The following STRIP1 variants were observed in gnomAD, a reference collection of about 807,000 sequenced individuals.
The protein encoded by STRIP1 is striatin interacting protein 1, also known as striatin-interacting protein 1.
In STRIP1, 63 loss-of-function variants were observed where a neutral mutation model predicts 106.2. The observed-to-expected ratio is 0.59, with a 90% CI of 0.48 to 0.73. The LOEUF is 0.73. Among genes scored for constraint, STRIP1 ranks in the 30% least tolerant of loss-of-function variants. The pLI is 0.00. For missense variants in STRIP1, 857 were observed against 1,074.8 expected (o/e 0.80, Z 2.83); for synonymous variants, 390 against 413.0 (o/e 0.94, Z 0.67).
chr1:110,038,000 T>C (rs376039605), intron 2 of STRIP1, 40 bp downstream of exon 2: 12 of 1,316,030 alleles, frequency 9.1e-6, no homozygotes, highest in African/African-American at 4.4e-5. Context: ...GGTGGTTTTT[T>C]CCTTATTGGT....
chr1:110,050,942 G>A lies in STRIP1; in HGVS notation c.1957-14G>A, dbSNP rs764874272. 7 of 1,495,192 alleles carry A rather than the reference G, an allele frequency of 4.7e-6. No homozygotes were observed. The highest frequency in any genetic ancestry group is 6.5e-6 in the Non-Finnish European group (7 of 1,071,600). 92.6% of individuals were successfully genotyped at this position (1,495,192 alleles called of 1,614,324 possible). On this transcript the variant is annotated splice_polypyrimidine_tract_variant and intron_variant, in intron 18 of 20. Coordinates refer to ENST00000369795, the MANE Select transcript of STRIP1 (RefSeq NM_033088.4). ...CAGCCATGAGGGCTGATTGTTCCTG[G>A]GTTTACCCTGCAGGAAGCAGGTGAC...
At chr1:110,047,687 C>A in intron 14 of STRIP1, 71 bp downstream of exon 14, 1 of 1,542,136 alleles carries the variant, frequency 6.5e-7, no homozygotes, top group Non-Finnish European at 8.8e-7. Flanking sequence ...CCTCCTGCCA[C>A]CTGCAGACCA....
At chr1:110,032,909 A>G (rs1477772111), upstream of STRIP1, among the ~76,000 whole-genome samples, 7 of 152,090 alleles carry the variant, frequency 4.6e-5, no homozygotes, top group Admixed American at 4.6e-4. Flanking sequence ...CCTGGTTAAC[A>G]CCCTCGAATG....
intron 3 of STRIP1, 95 bp from the exon 4 acceptor site, chr1:110,039,077 T>C: frequency 2.1e-6 from 3 of 1,424,402 alleles, no homozygotes; most frequent in Non-Finnish European, 2.9e-6. Context: ...ATCTTTCTGG[T>C]CCTATGGCAG....
upstream of STRIP1, among the ~76,000 whole-genome samples, chr1:110,033,994 G>C (rs1046747391): frequency 6.6e-6 from 1 of 152,196 alleles, no homozygotes; most frequent in Non-Finnish European, 1.5e-5. Context: ...GCAAGATCTG[G>C]TTGTAGTGGT....
chr1:110,040,919 A>G lies in STRIP1; in HGVS notation c.650+216A>G, dbSNP rs549897038. Among the ~76,000 whole-genome samples, 7 of 152,318 alleles carry G rather than the reference A, an allele frequency of 4.6e-5. No homozygotes were observed. In the East Asian group the frequency reaches 9.6e-4, roughly 21 times the overall value. On this transcript the variant is annotated intron_variant, in intron 6 of 20. Coordinates refer to ENST00000369795, the MANE Select transcript of STRIP1 (RefSeq NM_033088.4). ...GACTCCCAAAGGCAATCCAGGGTCA[A>G]GTGACTTACTAGAGCCACAGCTAAG... is the stretch of plus-strand genomic sequence containing the variant.
rs1336110582 is a variant in STRIP1 at position 110,038,724 on chromosome 1, C to T, written c.292C>T (p.Arg98Ter). ...YTEGPEFLMN[R>*]KCFEEDFRIH... is the part of the protein sequence containing the mutation. ...GGAAGGGCCAGAATTCCTGATGAATCGAAAATGCTTTGAGGAGGACTTCCG... is the reference window on the plus strand; with the variant it reads ...GGAAGGGCCAGAATTCCTGATGAATTGAAAATGCTTTGAGGAGGACTTCCG... Residue 98 changes from arginine (R) to a stop codon, truncating the protein, a stop_gained, in exon 3 of 21, where the codon CGA becomes TGA. Transcript: ENST00000369795. LOFTEE classifies it high-confidence loss of function. 2 of 1,614,120 alleles carry T rather than the reference C, an allele frequency of 1.2e-6. No homozygotes were observed. Among genetic ancestry groups the T allele is most frequent in the African/African-American group, 1.3e-5 (1 of 75,026 alleles).
intron 20 of STRIP1, among the ~76,000 whole-genome samples, chr1:110,052,995 T>G (rs1653374316): frequency 6.6e-6 from 1 of 152,226 alleles, no homozygotes; most frequent in African/African-American, 2.4e-5. Flanking sequence ...CCTCGTCCTT[T>G]TTCATTCTCC....
At chr1:110,044,944 C>G (rs752556231) in intron 11 of STRIP1, 39 bp downstream of exon 11, 25 of 1,613,450 alleles carry the variant, frequency 1.5e-5, no homozygotes, top group Non-Finnish European at 1.7e-6. Flanking sequence ...TTAGCTCTCC[C>G]GGCCTTTGGT....
chr1:110,045,680 C>T, intron 12 of STRIP1, among the ~76,000 whole-genome samples: 1 of 152,076 alleles, frequency 6.6e-6, no homozygotes, highest in East Asian at 1.9e-4. Context: ...CAGTAGTGTC[C>T]TAATACGTTG....
chr1:110,036,959 G>A lies in STRIP1; in HGVS notation c.181-932G>A, dbSNP rs563109152. Among the ~76,000 whole-genome samples the A allele has an allele frequency of 6.6e-5, 10 of 152,194 alleles. No homozygotes were observed. The South Asian group carries it at 2.1e-3, about 32-fold the overall frequency. On this transcript the variant is annotated intron_variant, in intron 1 of 20. Transcript: ENST00000369795. ...CTGCCTTAGCCTCCCGAGTAGCTGG[G>A]ACTACAGGCACGCCCCACCATGTAA...
chr1:110,051,658 G>T (rs377699212), intron 19 of STRIP1, 25 bp from the exon 20 acceptor site: 1 of 1,573,830 alleles, frequency 6.4e-7, no homozygotes, highest in Admixed American at 1.9e-5. Flanking sequence ...TTCAACTTGG[G>T]CTGCTTGCTT....
chr1:110,034,111 A>AT (rs1298505096), upstream of STRIP1, among the ~76,000 whole-genome samples: 13 of 152,260 alleles, frequency 8.5e-5, no homozygotes, highest in Admixed American at 6.5e-5. Context: ...TTATTTCTCT[A>AT]TATTTGTCTA....
At chr1:110,048,819 C>G (rs1653153901) in intron 15 of STRIP1, among the ~76,000 whole-genome samples, 1 of 152,084 alleles carries the variant, frequency 6.6e-6, no homozygotes, top group Non-Finnish European at 1.5e-5. Context: ...AATATGGCAG[C>G]AGAAGCTTAG....
intron 3 of STRIP1, 108 bp from the exon 4 acceptor site, chr1:110,039,064 C>T: frequency 1.5e-6 from 2 of 1,305,306 alleles, no homozygotes; most frequent in Non-Finnish European, 2.1e-6. Context: ...TAGGGTGTAA[C>T]TTATCTTTCT....
rs753773988 is a variant in STRIP1 at position 110,039,232 on chromosome 1, T to A, written c.386T>A (p.Leu129His). 81 of 1,614,212 alleles carry A rather than the reference T, an allele frequency of 5.0e-5. No homozygotes were observed. Among genetic ancestry groups the A allele is most frequent in the Non-Finnish European group, 6.8e-5 (80 of 1,180,028 alleles). Residue 129 changes from leucine (L) to histidine (H), a missense_variant, in exon 4 of 21, where the codon CTC becomes CAC. Around this residue, in one of 2 missense-constraint regions of STRIP1, gnomAD observed 750 missense variants for 989.8 expected, o/e 0.76. Coordinates refer to ENST00000369795, the MANE Select transcript of STRIP1 (RefSeq NM_033088.4). Reference protein sequence around the residue: ...TNQHRTHAMRLLDGLEVTARE... With the variant: ...TNQHRTHAMRHLDGLEVTARE... ...CAGCACCGGACCCATGCCATGAGGC[T>A]CCTGGATGGCTTGGAAGTCACTGCC...
Position 110,054,259 on chromosome 1 carries a change from G to T in STRIP1, c.*347G>T. On this transcript the variant is annotated 3_prime_UTR_variant, in exon 21 of 21. Coordinates refer to ENST00000369795, the MANE Select transcript of STRIP1 (RefSeq NM_033088.4). ...TCCGCCGTGCATCTGAATTTCAGGG[G>T]TCATGCTGATGCCTCTCGAGACATA... 3.8e-6 allele frequency: 1 copy of T among 263,516 alleles called. No individual in the cohort carries two copies. Among genetic ancestry groups the T allele is most frequent in the African/African-American group, 2.2e-5 (1 of 45,384 alleles). 16.3% of individuals were successfully genotyped at this position (263,516 alleles called of 1,614,324 possible).
rs532562237 is a variant in STRIP1, at chr1:110,047,730, C to T, written c.1564-42C>T. On this transcript the variant is annotated intron_variant, in intron 14 of 20. Transcript: ENST00000369795. The stretch of plus-strand genomic sequence containing the variant: ...GACTGCTCAGAGCTTAATTTTGACC[C>T]TGGGCTCTCAGACCTGTGTCTGAAT... 10 of 1,547,782 alleles carry T rather than the reference C, an allele frequency of 6.5e-6. No homozygotes were observed. The East Asian group carries it at 9.6e-5, about 15-fold the overall frequency.
chr1:110,039,041 C>A, intron 3 of STRIP1, 131 bp from the exon 4 acceptor site: 1 of 1,044,358 alleles, frequency 9.6e-7, no homozygotes, highest in Non-Finnish European at 1.4e-6. Context: ...GCAGTATGAT[C>A]TTACCACTTA....
Sources: gnomAD v4.1 joint callset for allele counts (sites outside exome capture counted in the v4.1 genomes callset) on GRCh38, gnomAD v4.1.1 for gene constraint, gnomAD v4.1.1 regional missense constraint, MANE v1.5 for transcripts, NCBI Gene and HGNC (gene_info 2026-07-23, HGNC 2026-07-21) for gene names.